Variants in PDE4B observed in about 807,000 individuals in gnomAD.
PDE4B encodes 3',5'-cyclic-AMP phosphodiesterase 4B.
A neutral mutation model predicts 82.2 loss-of-function variants in PDE4B; 20 were observed. That is an observed-to-expected ratio of 0.24 (90% confidence interval 0.17 to 0.35). The LOEUF (loss-of-function observed/expected upper bound fraction) is 0.35. PDE4B is among the 10% of genes least tolerant of loss of function. PDE4B has a pLI of 1.00. For synonymous variants in PDE4B, 320 were observed against 318.9 expected (o/e 1.00, Z -0.04); for missense variants, 655 against 907.2 (o/e 0.72, Z 3.57).
intron 7 of PDE4B, among the ~76,000 whole-genome samples, chr1:66,277,065 G>A (rs1335406292): frequency 6.6e-6 from 1 of 152,136 alleles, no homozygotes; most frequent in Non-Finnish European, 1.5e-5. Flanking sequence ...GCCTAAAGTA[G>A]ATTAGAAGAT....
intron 7 of PDE4B, chr1:66,266,595 A>G (rs373131851): frequency 9.4e-6 from 4 of 423,680 alleles, no homozygotes; most frequent in Admixed American, 9.0e-5. Context: ...TTTGGAGGGC[A>G]TCCAACTTTG....
intron 1 of PDE4B, among the ~76,000 whole-genome samples, chr1:65,849,518 TC>T (rs1322888847): frequency 1.3e-5 from 2 of 152,140 alleles, no homozygotes; most frequent in Non-Finnish European, 2.9e-5. Flanking sequence ...GACTTTTCTC[TC>T]TGGGTGCCAG....
At chr1:66,275,399 G>A (rs1307979916) in intron 7 of PDE4B, among the ~76,000 whole-genome samples, 1 of 152,214 alleles carries the variant, frequency 6.6e-6, no homozygotes, top group African/African-American at 2.4e-5. Context: ...CACTAGCAGA[G>A]TCTGCAGGAA....
chr1:66,355,652 T>G, intron 9 of PDE4B, 32 bp downstream of exon 9: 1 of 1,298,338 alleles, frequency 7.7e-7, no homozygotes, highest in Non-Finnish European at 1.1e-6. Context: ...ACCTGTTTTA[T>G]AACTGGGGTT....
At chr1:66,139,056 A>T (rs1045594120) in intron 3 of PDE4B, among the ~76,000 whole-genome samples, 1 of 152,260 alleles carries the variant, frequency 6.6e-6, no homozygotes, top group Non-Finnish European at 1.5e-5. Context: ...AGGTCTAATT[A>T]TAACCTCTGT....
At chr1:66,225,009 T>C (rs186985415) in intron 3 of PDE4B, among the ~76,000 whole-genome samples, 58 of 152,310 alleles carry the variant, frequency 3.8e-4, no homozygotes, top group African/African-American at 1.4e-3. Context: ...TTGGACACAA[T>C]TCATGAACCA....
At chr1:66,334,558 C>T (rs758941451) in intron 8 of PDE4B, among the ~76,000 whole-genome samples, 2 of 152,194 alleles carry the variant, frequency 1.3e-5, no homozygotes, top group Non-Finnish European at 2.9e-5. Flanking sequence ...CTAACCCTAA[C>T]AAAAGGGCTA....
At chr1:65,844,992 A>G (rs1646252722) in intron 1 of PDE4B, among the ~76,000 whole-genome samples, 1 of 152,200 alleles carries the variant, frequency 6.6e-6, no homozygotes, top group African/African-American at 2.4e-5. Flanking sequence ...ATGCCTAGAC[A>G]GTCCCAGCTG....
chr1:66,346,819 C>T (rs1000654320), intron 8 of PDE4B, among the ~76,000 whole-genome samples: 6 of 152,108 alleles, frequency 3.9e-5, no homozygotes, highest in African/African-American at 1.4e-4. Flanking sequence ...AACCTAGCTT[C>T]AAGTACAAAT....
chr1:66,161,934 T>C (rs1646620906), intron 3 of PDE4B, among the ~76,000 whole-genome samples: 1 of 152,226 alleles, frequency 6.6e-6, no homozygotes, highest in East Asian at 1.9e-4. Flanking sequence ...GGATCCTTTG[T>C]TCTATTATCT....
At chr1:65,960,735 T>G (rs1649503477) in intron 3 of PDE4B, among the ~76,000 whole-genome samples, 1 of 152,204 alleles carries the variant, frequency 6.6e-6, no homozygotes, top group South Asian at 2.1e-4. Flanking sequence ...TTAGAGACAT[T>G]TGCAATTTTG....
intron 1 of PDE4B, among the ~76,000 whole-genome samples, chr1:65,828,949 C>T (rs565455757): frequency 6.6e-6 from 1 of 152,102 alleles, no homozygotes; most frequent in African/African-American, 2.4e-5. Context: ...TATATAAACT[C>T]AACCAGATTA....
At chr1:66,070,180 C>T (rs1656078175) in intron 3 of PDE4B, among the ~76,000 whole-genome samples, 1 of 152,026 alleles carries the variant, frequency 6.6e-6, no homozygotes, top group African/African-American at 2.4e-5. Flanking sequence ...CACAGGTGGT[C>T]AGCTCATATA....
chr1:65,900,666 T>C (rs1343545785), intron 1 of PDE4B, among the ~76,000 whole-genome samples: 2 of 152,140 alleles, frequency 1.3e-5, no homozygotes, highest in Non-Finnish European at 2.9e-5. Context: ...CTAAAGATAT[T>C]TCACCTCCTT....
At chr1:65,884,643 A>C (rs1178050299) in intron 1 of PDE4B, among the ~76,000 whole-genome samples, 2 of 152,220 alleles carry the variant, frequency 1.3e-5, no homozygotes, top group African/African-American at 4.8e-5. Flanking sequence ...GTGCTGGGAA[A>C]ACTGGCTAGC....
chr1:66,096,520 A>ATATATATG (rs145826895), intron 3 of PDE4B, among the ~76,000 whole-genome samples: 39,335 of 130,846 alleles, frequency 0.3, 7,323 homozygotes, highest in Middle Eastern at 0.41. Flanking sequence ...ATATATATAT[A>ATATATATG]TATATATATA....
At chr1:66,220,229 G>C (rs564244395) in intron 3 of PDE4B, among the ~76,000 whole-genome samples, 2 of 152,296 alleles carry the variant, frequency 1.3e-5, no homozygotes, top group African/African-American at 4.8e-5. Flanking sequence ...TAGCTGATAA[G>C]AAGAATGCTC....
At chr1:66,220,248 C>T (rs1005096131) in intron 3 of PDE4B, among the ~76,000 whole-genome samples, 1 of 152,118 alleles carries the variant, frequency 6.6e-6, no homozygotes, top group African/African-American at 2.4e-5. Context: ...TCTTTGATCC[C>T]CTCTACTTCA....
At chr1:65,887,180 C>T (rs1646788860) in intron 1 of PDE4B, among the ~76,000 whole-genome samples, 1 of 121,380 alleles carries the variant, frequency 8.2e-6, no homozygotes, top group African/African-American at 3.1e-5. Context: ...CCCTCCCTCC[C>T]TCCCTTTTTC....
Sources: allele counts gnomAD v4.1 joint callset (sites outside exome capture counted in the v4.1 genomes callset), GRCh38; gene constraint gnomAD v4.1.1; transcripts MANE v1.5; gene names NCBI Gene and HGNC (gene_info 2026-07-23, HGNC 2026-07-21).